WWOX: variants seen among roughly 807,000 people sequenced by gnomAD.
The protein encoded by WWOX is WW domain-containing oxidoreductase.
A neutral mutation model predicts 46.2 loss-of-function variants in WWOX; 69 were observed. That is an observed-to-expected ratio of 1.49 (90% CI 1.23 to 1.82). The LOEUF (loss-of-function observed/expected upper bound fraction) is 1.82. WWOX is among the 40% of genes most tolerant of loss of function. The pLI, the probability that WWOX is intolerant of heterozygous loss-of-function variation, is 0.00. For synonymous variants in WWOX, 359 were observed against 202.6 expected, an observed-to-expected ratio of 1.77 and a Z score of -6.56; for missense variants, 919 against 542.6, an observed-to-expected ratio of 1.69 and a Z score of -6.89.
intron 8 of WWOX, among the ~76,000 whole-genome samples, chr16:78,487,451 C>T (rs183036733): frequency 6.6e-5 from 10 of 152,190 alleles, no homozygotes; most frequent in Non-Finnish European, 1.0e-4. Context: ...ACTAATGTTC[C>T]GTCTTTGCAT....
chr16:78,833,512 A>G (rs866106441), intron 8 of WWOX, among the ~76,000 whole-genome samples: 11 of 152,104 alleles, frequency 7.2e-5, no homozygotes, highest in Admixed American at 5.2e-4. Flanking sequence ...TTGGGTTACA[A>G]TACCTACAAC....
chr16:78,644,963 A>T (rs1318552794), intron 8 of WWOX, among the ~76,000 whole-genome samples: 1 of 152,224 alleles, frequency 6.6e-6, no homozygotes, highest in African/African-American at 2.4e-5. Flanking sequence ...TACTATTAGT[A>T]AACGGTGAGT....
intron 8 of WWOX, among the ~76,000 whole-genome samples, chr16:78,599,536 C>T (rs1335348829): frequency 3.3e-5 from 5 of 152,174 alleles, no homozygotes; most frequent in Admixed American, 6.5e-5. Context: ...GTAGACATGG[C>T]CTCAGGAGGG....
At chr16:79,152,596 G>A (rs187193080) in intron 8 of WWOX, among the ~76,000 whole-genome samples, 180 of 151,908 alleles carry the variant, frequency 1.2e-3, no homozygotes, top group Non-Finnish European at 2.1e-3. Flanking sequence ...GCTTGAACCC[G>A]GGAGGCAGAG....
At chr16:78,229,542 A>G (rs2037184778) in intron 5 of WWOX, among the ~76,000 whole-genome samples, 1 of 147,854 alleles carries the variant, frequency 6.8e-6, no homozygotes, top group Non-Finnish European at 1.5e-5. Context: ...AAAATAATGA[A>G]TGAAATGGAC....
At chr16:78,836,322 C>G (rs949352802) in intron 8 of WWOX, among the ~76,000 whole-genome samples, 3 of 152,058 alleles carry the variant, frequency 2.0e-5, no homozygotes, top group South Asian at 2.1e-4. Flanking sequence ...GAGGTAAAAC[C>G]TTATGCTCCA....
At chr16:78,683,614 C>T (rs2738626) in intron 8 of WWOX, among the ~76,000 whole-genome samples, 2 of 151,984 alleles carry the variant, frequency 1.3e-5, no homozygotes, top group African/African-American at 4.8e-5. Context: ...GTTGCCTAGG[C>T]TGGTCTTGAA....
chr16:78,921,172 A>T (rs529322697), intron 8 of WWOX, among the ~76,000 whole-genome samples: 27 of 152,142 alleles, frequency 1.8e-4, no homozygotes, highest in Admixed American at 1.5e-3. Context: ...TTTTTTTTTC[A>T]AACACTGTAA....
intron 8 of WWOX, among the ~76,000 whole-genome samples, chr16:78,806,338 A>AAC (rs1461167053): frequency 6.6e-6 from 1 of 152,220 alleles, no homozygotes; most frequent in Non-Finnish European, 1.5e-5. Context: ...ATATTCCAGT[A>AAC]ACAATTGTTG....
chr16:78,961,785 G>C (rs567495847), intron 8 of WWOX, among the ~76,000 whole-genome samples: 15 of 152,212 alleles, frequency 9.9e-5, no homozygotes, highest in African/African-American at 3.4e-4. Flanking sequence ...AGTACCTCAG[G>C]TTATCATAGT....
chr16:78,793,718 C>T (rs988922372), intron 8 of WWOX, among the ~76,000 whole-genome samples: 2 of 152,042 alleles, frequency 1.3e-5, no homozygotes, highest in Non-Finnish European at 2.9e-5. Context: ...GCAAATGCAA[C>T]TCATCCTTGC....
chr16:78,376,608 A>C (rs1228754000), intron 5 of WWOX, among the ~76,000 whole-genome samples: 1 of 152,218 alleles, frequency 6.6e-6, no homozygotes, highest in Non-Finnish European at 1.5e-5. Flanking sequence ...GGGACTATTG[A>C]GGCCAGATAA....
intron 8 of WWOX, among the ~76,000 whole-genome samples, chr16:79,137,616 C>G (rs935070132): frequency 1.3e-5 from 2 of 152,096 alleles, no homozygotes; most frequent in Non-Finnish European, 2.9e-5. Flanking sequence ...TGGCTCTGAC[C>G]TGCCATCATG....
At chr16:78,256,940 G>C (rs2038147958) in intron 5 of WWOX, among the ~76,000 whole-genome samples, 1 of 152,056 alleles carries the variant, frequency 6.6e-6, no homozygotes, top group Admixed American at 6.6e-5. Flanking sequence ...TGCACTGTGA[G>C]TCAAAGAGTC....
At position 78,339,038 on chromosome 16, in the gene WWOX, T is replaced by A. The variant is rs1174006337; in HGVS notation, c.517-47822T>A. ...TCTAGTCTTAGATATTATCTGTAGG[T>A]TTTTCAATAAGAAGGAAATTTAGCT... On this transcript the variant is annotated intron_variant, in intron 5 of 8. Coordinates refer to ENST00000566780, the MANE Select transcript of WWOX (RefSeq NM_016373.4). 1.7e-5 allele frequency among the ~76,000 whole-genome samples: 2 copies of A among 120,150 alleles called. 1 individual carries two copies. The highest frequency in any genetic ancestry group is 5.6e-5 in the African/African-American group (2 of 35,572). 78.8% of individuals were successfully genotyped at this position (120,150 alleles called of 152,430 possible). A position where few individuals can be genotyped will look rare whatever the true frequency, so the allele number is the denominator to read the frequency against.
intron 8 of WWOX, among the ~76,000 whole-genome samples, chr16:79,182,953 G>A (rs1008381248): frequency 9.2e-5 from 14 of 152,208 alleles, no homozygotes; most frequent in South Asian, 2.1e-4. Flanking sequence ...TTTTAAGGCA[G>A]CAGGACTAAG....
chr16:78,433,438 G>T (rs114303124), intron 8 of WWOX, among the ~76,000 whole-genome samples: 127 of 152,276 alleles, frequency 8.3e-4, no homozygotes, highest in African/African-American at 3.0e-3. Flanking sequence ...TTTGAATGAA[G>T]AAAGCGTATT....
chr16:79,037,661 G>T (rs921664118), intron 8 of WWOX, among the ~76,000 whole-genome samples: 1 of 152,196 alleles, frequency 6.6e-6, no homozygotes, highest in African/African-American at 2.4e-5. Flanking sequence ...TGCAACCTTA[G>T]TTGTTAGTGA....
At chr16:78,843,998 A>G (rs1281606710) in intron 8 of WWOX, among the ~76,000 whole-genome samples, 3 of 152,300 alleles carry the variant, frequency 2.0e-5, no homozygotes, top group East Asian at 3.9e-4. Flanking sequence ...GATGTATTCA[A>G]CATGCTCTGA....
Sources: allele counts gnomAD v4.1 joint callset (sites outside exome capture counted in the v4.1 genomes callset), GRCh38; gene constraint gnomAD v4.1.1; transcripts MANE v1.5; gene names NCBI Gene and HGNC (gene_info 2026-07-23, HGNC 2026-07-21).